PDE4A: variants seen among roughly 807,000 people sequenced by gnomAD.
The protein encoded by PDE4A is 3',5'-cyclic-AMP phosphodiesterase 4A.
In PDE4A, 21 loss-of-function variants were observed where a neutral mutation model predicts 73.9. The ratio of observed to expected loss-of-function variants is 0.28; its 90% confidence interval spans 0.20 to 0.41. The LOEUF is 0.41. Ranked by LOEUF, PDE4A falls within the 10% of genes least tolerant of loss-of-function variation. The pLI is 1.00. For synonymous variants in PDE4A, 463 were observed against 505.4 expected (o/e 0.92, Z 1.13); for missense variants, 958 against 1,211.4 (o/e 0.79, Z 3.10).
In PDE4A at chr19:10,455,418, C is replaced by A. The variant is rs79758628; in HGVS notation, c.877+496C>A. On this transcript the variant is annotated intron_variant, in intron 7 of 14. Transcript: ENST00000380702. ...GGTGGAGGTTGCAGTGAGCCGAGAT[C>A]GCTCCATTGCACTCCAGCCTAGGCA... 2.4e-4 allele frequency among the ~76,000 whole-genome samples: 36 copies of A among 150,036 alleles called. 1 individual carries two copies. Among genetic ancestry groups the A allele is most frequent in the African/African-American group, 7.9e-4 (32 of 40,580 alleles).
intron 7 of PDE4A, among the ~76,000 whole-genome samples, chr19:10,457,444 G>A (rs1048487280): frequency 8.3e-6 from 1 of 121,084 alleles, no homozygotes; most frequent in African/African-American, 3.0e-5. Flanking sequence ...GGGGGGGGGG[G>A]GGCAGGGACA....
At chr19:10,451,272 C>A (rs1362150022) in intron 6 of PDE4A, among the ~76,000 whole-genome samples, 1 of 152,130 alleles carries the variant, frequency 6.6e-6, no homozygotes, top group Non-Finnish European at 1.5e-5. Flanking sequence ...GGGCCAACCC[C>A]TGGGCGGCAG....
chr19:10,448,463 C>A (rs1175310426), intron 2 of PDE4A, among the ~76,000 whole-genome samples: 1 of 151,828 alleles, frequency 6.6e-6, no homozygotes, highest in African/African-American at 2.4e-5. Flanking sequence ...ATGATGAAAC[C>A]CAGTCTCTAC....
chr19:10,456,237 T>G (rs7343073), intron 7 of PDE4A, among the ~76,000 whole-genome samples: 4,206 of 150,902 alleles, frequency 0.028, 192 homozygotes, highest in African/African-American at 0.097. Flanking sequence ...CAAAAAAAAT[T>G]AAAAACTAGG....
intron 1 of PDE4A, among the ~76,000 whole-genome samples, chr19:10,442,785 C>G (rs1422718064): frequency 1.3e-5 from 2 of 148,328 alleles, no homozygotes; most frequent in Non-Finnish European, 3.0e-5. Context: ...TTATCACATA[C>G]TACTAATATA....
chr19:10,424,225 C>A lies in PDE4A; in HGVS notation c.320+3141C>A, dbSNP rs1046703558. ...AGATGGAGAGGGAGGAAGAGGAGGA[C>A]TTTGGTGGTGGGGGTGGGGAGCTGT... On this transcript the variant is annotated intron_variant, in intron 1 of 14. Transcript: ENST00000380702. The surrounding 1 kb of genome is among the most constrained non-coding windows in gnomAD (Gnocchi z 4.8). Among the ~76,000 whole-genome samples, 2 of 152,172 alleles carry A rather than the reference C, an allele frequency of 1.3e-5. No individual in the cohort carries two copies. Among genetic ancestry groups the A allele is most frequent in the Non-Finnish European group, 2.9e-5 (2 of 68,026 alleles).
At chr19:10,437,641 C>G (rs1380036035) in intron 1 of PDE4A, among the ~76,000 whole-genome samples, 1 of 152,018 alleles carries the variant, frequency 6.6e-6, no homozygotes, top group Admixed American at 6.6e-5. Context: ...TGGTCTCAAA[C>G]TCCTGGACTT....
intron 7 of PDE4A, 86 bp from the exon 8 acceptor site, chr19:10,457,793 C>T (rs1005225384): frequency 1.3e-5 from 21 of 1,559,156 alleles, no homozygotes; most frequent in East Asian, 2.3e-5. Flanking sequence ...GAGCCTTCCC[C>T]GTACGTGGTA....
At chr19:10,418,167 C>A (rs1489527430), upstream of PDE4A, among the ~76,000 whole-genome samples, 1 of 152,196 alleles carries the variant, frequency 6.6e-6, no homozygotes, top group Non-Finnish European at 1.5e-5. Context: ...GTTGATCAGG[C>A]GGCTGTGCAC....
chr19:10,419,056 CTTTTT>C (rs977830124), upstream of PDE4A: 2,079 of 815,408 alleles, frequency 2.5e-3, 20 homozygotes, highest in African/African-American at 0.051. Context: ...GACCGGCAGT[CTTTTT>C]TTTTTTTTTT....
At chr19:10,464,556 A>G in intron 14 of PDE4A, 1 of 411,526 alleles carries the variant, frequency 2.4e-6, no homozygotes, top group Non-Finnish European at 4.8e-6. Context: ...AGCTGAGAAT[A>G]CAGGTGCACA....
Position 10,446,356 on chromosome 19 carries a change from C to G in PDE4A, c.459C>G (p.Asp153Glu). The change falls in exon 2 of 15, where the codon GAC (aspartate) becomes GAG (glutamate). Residue 153 changes from aspartate to glutamate, a missense_variant. Physicochemically the swap from Asp to Glu is conservative, Grantham distance 45. Coordinates refer to ENST00000380702, the MANE Select transcript of PDE4A (RefSeq NM_001111307.2). ...RESFLYRSDSDYDMSPKTMSR... is the reference protein window; with the variant it reads ...RESFLYRSDSEYDMSPKTMSR... The stretch of plus-strand genomic sequence containing the variant: ...CCTTCCTGTACCGCTCAGACAGCGA[C>G]TATGACATGTCACCCAAGACCATGT... The G allele has an allele frequency of 6.2e-7, 1 of 1,613,936 alleles. No individual in the cohort carries two copies. The highest frequency in any genetic ancestry group is 1.1e-5 in the South Asian group (1 of 91,078).
intron 7 of PDE4A, 116 bp from the exon 8 acceptor site, chr19:10,457,763 A>C: frequency 6.7e-7 from 1 of 1,502,940 alleles, no homozygotes; most frequent in East Asian, 2.3e-5. Flanking sequence ...CACAGCTGAA[A>C]GGGTTCTGCC....
intron 2 of PDE4A, 183 bp from the exon 3 acceptor site, chr19:10,448,734 C>A: frequency 3.7e-6 from 3 of 808,274 alleles, no homozygotes; most frequent in Non-Finnish European, 4.5e-6. Flanking sequence ...TCCTTGACTG[C>A]CATTTCTTCC....
intron 1 of PDE4A, among the ~76,000 whole-genome samples, chr19:10,445,207 C>T (rs1400958750): frequency 1.3e-5 from 2 of 152,176 alleles, no homozygotes; most frequent in Non-Finnish European, 2.9e-5. Context: ...GGGTTGAAAA[C>T]AGGAGGTGGG....
chr19:10,429,117 A>G (rs986712095), intron 1 of PDE4A, among the ~76,000 whole-genome samples: 7 of 151,700 alleles, frequency 4.6e-5, no homozygotes, highest in Non-Finnish European at 8.8e-5. Context: ...GAAAGAAAGA[A>G]AGAGAGAAAG....
At chr19:10,460,447 C>T (rs889774577) in intron 10 of PDE4A, among the ~76,000 whole-genome samples, 1 of 151,244 alleles carries the variant, frequency 6.6e-6, no homozygotes, top group African/African-American at 2.4e-5. Flanking sequence ...TGCAGTGAGC[C>T]AGGATTGCGC....
At position 10,459,386 on chromosome 19, in the gene PDE4A, T is replaced by G. The variant is rs1410544537; in HGVS notation, c.1102-14T>G. 1 of 1,614,106 alleles carries G rather than the reference T, an allele frequency of 6.2e-7. No individual in the cohort carries two copies. Among genetic ancestry groups the G allele is most frequent in the Admixed American group, 1.7e-5 (1 of 59,996 alleles). Reference sequence around the variant, plus strand: ...CCTTACAGGCTTCTGACCTCTGGCCTCCGTCTCCACCAGGAACTGGAGAAC... The same window carrying G: ...CCTTACAGGCTTCTGACCTCTGGCCGCCGTCTCCACCAGGAACTGGAGAAC... On this transcript the variant is annotated splice_polypyrimidine_tract_variant and intron_variant, in intron 8 of 14. Coordinates refer to ENST00000380702, the MANE Select transcript of PDE4A (RefSeq NM_001111307.2).
rs570861013 is a variant in PDE4A at position 10,426,816 on chromosome 19, C to T, written c.320+5732C>T. ...CCAGGAGGCGGAGGTTGCAGTGAGC[C>T]GAGATTGCGCCACTTCACTCCAGCC... On this transcript the variant is annotated intron_variant, in intron 1 of 14. Coordinates refer to ENST00000380702, the MANE Select transcript of PDE4A (RefSeq NM_001111307.2). Among the ~76,000 whole-genome samples the T allele has an allele frequency of 1.1e-3, 159 of 150,530 alleles. 1 individual carries two copies. Among genetic ancestry groups the T allele is most frequent in the Non-Finnish European group, 1.9e-3 (127 of 67,808 alleles).
Sources: allele counts gnomAD v4.1 joint callset (sites outside exome capture counted in the v4.1 genomes callset), GRCh38; gene constraint gnomAD v4.1.1; non-coding constraint Gnocchi (gnomAD v3.1); transcripts MANE v1.5; gene names NCBI Gene and HGNC (gene_info 2026-07-23, HGNC 2026-07-21).